Variants in PTPRD observed in about 807,000 individuals in gnomAD.
PTPRD encodes receptor-type tyrosine-protein phosphatase delta.
PTPRD carries 34 observed loss-of-function variants against 214.5 expected under a neutral mutation model. The observed-to-expected ratio is 0.16, with a 90% CI of 0.12 to 0.21. The LOEUF is 0.21. Among genes scored for constraint, PTPRD ranks in the 10% least tolerant of loss-of-function variants. PTPRD has a pLI of 1.00. For synonymous variants in PTPRD, 1,128 were observed against 845.7 expected (o/e 1.33, Z -5.79); for missense variants, 2,545 against 2,398.7 (o/e 1.06, Z -1.27).
intron 2 of PTPRD, among the ~76,000 whole-genome samples, chr9:10,590,481 C>T (rs1360689680): frequency 6.6e-6 from 1 of 151,910 alleles, no homozygotes; most frequent in Non-Finnish European, 1.5e-5. Flanking sequence ...CACATCTTCT[C>T]CTCTGCCAGA....
intron 7 of PTPRD, among the ~76,000 whole-genome samples, chr9:9,619,013 A>T (rs1462579127): frequency 6.6e-6 from 1 of 152,186 alleles, no homozygotes; most frequent in Admixed American, 6.5e-5. Context: ...CTGAAACGAG[A>T]TGCCACAGAG....
chr9:8,331,566 A>T lies in PTPRD; in HGVS notation c.5534+16T>A, dbSNP rs113186244. 1 of 873,928 alleles carries T rather than the reference A, an allele frequency of 1.1e-6. No individual in the cohort carries two copies. Among genetic ancestry groups the T allele is most frequent in the Non-Finnish European group, 1.5e-6 (1 of 681,262 alleles). 54.1% of individuals were successfully genotyped at this position (873,928 alleles called of 1,614,324 possible). Reference sequence around the variant, plus strand: ...ACCACCACTTATCACTGCTTTATTCACAAATGGAAACTTACCTGCAATGGA... The same window carrying T: ...ACCACCACTTATCACTGCTTTATTCTCAAATGGAAACTTACCTGCAATGGA... On this transcript the variant is annotated intron_variant, in intron 44 of 45. Coordinates refer to ENST00000381196, the MANE Select transcript of PTPRD (RefSeq NM_002839.4).
chr9:9,729,629 C>T (rs1006890608), intron 7 of PTPRD, among the ~76,000 whole-genome samples: 1 of 151,962 alleles, frequency 6.6e-6, no homozygotes, highest in Non-Finnish European at 1.5e-5. Context: ...TTTTAAATAA[C>T]TTTTTTAAAA....
intron 10 of PTPRD, among the ~76,000 whole-genome samples, chr9:9,128,290 C>T (rs2099837206): frequency 6.6e-6 from 1 of 152,120 alleles, no homozygotes; most frequent in Non-Finnish European, 1.5e-5. Flanking sequence ...GTCATTAGCT[C>T]TCCTTTAACC....
chr9:10,039,030 C>T (rs986598839), intron 3 of PTPRD, among the ~76,000 whole-genome samples: 1 of 151,914 alleles, frequency 6.6e-6, no homozygotes, highest in Non-Finnish European at 1.5e-5. Flanking sequence ...AAAAAGTTAC[C>T]CTAAATGCCA....
chr9:9,689,641 T>C (rs2097229603), intron 7 of PTPRD, among the ~76,000 whole-genome samples: 1 of 151,818 alleles, frequency 6.6e-6, no homozygotes, highest in Non-Finnish European at 1.5e-5. Context: ...TATCCACTCC[T>C]CCCCTCTACT....
intron 2 of PTPRD, among the ~76,000 whole-genome samples, chr9:10,427,962 G>A (rs2098639561): frequency 6.6e-6 from 1 of 152,132 alleles, no homozygotes; most frequent in Admixed American, 6.6e-5. Context: ...TTGCATGCAT[G>A]TTTGTATTTT....
intron 2 of PTPRD, among the ~76,000 whole-genome samples, chr9:10,348,988 G>A (rs2097136905): frequency 1.3e-5 from 2 of 151,984 alleles, no homozygotes; most frequent in Non-Finnish European, 2.9e-5. Flanking sequence ...AATTATCTTT[G>A]CAGGTACAGG....
chr9:10,412,712 A>G (rs1490272184), intron 2 of PTPRD, among the ~76,000 whole-genome samples: 1 of 151,614 alleles, frequency 6.6e-6, no homozygotes, highest in African/African-American at 2.4e-5. Flanking sequence ...AAAACCCTCA[A>G]AAAACACTTG....
intron 11 of PTPRD, among the ~76,000 whole-genome samples, chr9:8,777,142 A>C (rs2095518639): frequency 6.6e-6 from 1 of 151,672 alleles, no homozygotes; most frequent in South Asian, 2.1e-4. Context: ...ACCGCGCCTA[A>C]TTTTTTGTTG....
At chr9:9,025,989 CAAAG>C (rs543802693) in intron 10 of PTPRD, among the ~76,000 whole-genome samples, 4 of 150,938 alleles carry the variant, frequency 2.7e-5, no homozygotes, top group Non-Finnish European at 4.4e-5. Context: ...TAATAAATGA[CAAAG>C]AAAGAAAGAA....
chr9:10,333,656 T>G (rs781043391), intron 3 of PTPRD, among the ~76,000 whole-genome samples: 5 of 151,792 alleles, frequency 3.3e-5, no homozygotes, highest in Non-Finnish European at 7.4e-5. Context: ...CCCAGTTAAT[T>G]AAGGTCTGCT....
chr9:8,601,629 C>G (rs1373819060), intron 14 of PTPRD, among the ~76,000 whole-genome samples: 3 of 152,088 alleles, frequency 2.0e-5, no homozygotes, highest in Non-Finnish European at 2.9e-5. Flanking sequence ...GGAGCCTATC[C>G]AAGACCAAAA....
At chr9:8,561,548 G>A (rs778177778) in intron 14 of PTPRD, among the ~76,000 whole-genome samples, 4 of 152,178 alleles carry the variant, frequency 2.6e-5, no homozygotes, top group Non-Finnish European at 4.4e-5. Context: ...GTGTACAAGC[G>A]AGACTCAGCG....
chr9:9,418,255 A>G (rs1316187379), intron 8 of PTPRD, among the ~76,000 whole-genome samples: 2 of 152,008 alleles, frequency 1.3e-5, no homozygotes, highest in African/African-American at 4.8e-5. Context: ...TCACTTCTTG[A>G]GAAGGCCAAC....
At chr9:8,583,100 G>C (rs1208068108) in intron 14 of PTPRD, among the ~76,000 whole-genome samples, 1 of 152,126 alleles carries the variant, frequency 6.6e-6, no homozygotes, top group Non-Finnish European at 1.5e-5. Context: ...CAGATCATAA[G>C]GCATTAGATT....
chr9:9,451,326 T>C (rs1023936730), intron 8 of PTPRD, among the ~76,000 whole-genome samples: 5 of 151,782 alleles, frequency 3.3e-5, no homozygotes, highest in Non-Finnish European at 7.4e-5. Context: ...GTCTTGATTT[T>C]AGCATTAAAT....
chr9:10,537,044 C>G (rs75008749), intron 2 of PTPRD, among the ~76,000 whole-genome samples: 196 of 152,200 alleles, frequency 1.3e-3, no homozygotes, highest in African/African-American at 4.6e-3. Flanking sequence ...TTTTCTAGCT[C>G]TGAAATAGCA....
At chr9:9,307,959 A>G (rs1957658672) in intron 9 of PTPRD, among the ~76,000 whole-genome samples, 2 of 152,160 alleles carry the variant, frequency 1.3e-5, no homozygotes, top group Non-Finnish European at 2.9e-5. Context: ...CACGCTGTGT[A>G]ATAGCAGACA....
Sources: gnomAD v4.1 joint callset for allele counts (sites outside exome capture counted in the v4.1 genomes callset) on GRCh38, gnomAD v4.1.1 for gene constraint, MANE v1.5 for transcripts, NCBI Gene and HGNC (gene_info 2026-07-23, HGNC 2026-07-21) for gene names.